ENTR1: variants seen among roughly 807,000 people sequenced by gnomAD.
The protein encoded by ENTR1 is endosome-associated-trafficking regulator 1.
ENTR1 carries 47 observed loss-of-function variants against 47.9 expected under a neutral mutation model. The observed-to-expected ratio is 0.98, with a 90% CI of 0.78 to 1.25. ENTR1 has a LOEUF of 1.25. Among genes scored for constraint, ENTR1 ranks in the 50% most tolerant of loss-of-function variants. The pLI, the probability that ENTR1 is intolerant of heterozygous loss-of-function variation, is 0.00. For missense variants in ENTR1, 668 were observed against 570.5 expected, an observed-to-expected ratio of 1.17 and a Z score of -1.74; for synonymous variants, 290 against 245.8, an observed-to-expected ratio of 1.18 and a Z score of -1.68.
intron 2 of ENTR1, 67 bp from the exon 3 acceptor site, chr9:136,409,134 TC>T (rs1834938633): frequency 7.0e-7 from 1 of 1,433,768 alleles, no homozygotes; most frequent in East Asian, 2.3e-5. Context: ...TTGGTTTTTT[TC>T]TTTTGCACAT....
intron 9 of ENTR1, among the ~76,000 whole-genome samples, chr9:136,403,446 CA>C (rs1834606516): frequency 1.6e-5 from 1 of 60,930 alleles, no homozygotes; most frequent in Non-Finnish European, 3.5e-5. Flanking sequence ...TTCCTGGGAG[CA>C]AGGGGTGGGG....
At chr9:136,405,744 T>C (rs145461675) in intron 6 of ENTR1, among the ~76,000 whole-genome samples, 161 bp downstream of exon 6, 1 of 152,298 alleles carries the variant, frequency 6.6e-6, no homozygotes, top group Admixed American at 6.5e-5. Flanking sequence ...TGTCTCAAAA[T>C]AAACTTTTAG....
At chr9:136,403,229 C>CGGT (rs1412250337) in intron 9 of ENTR1, among the ~76,000 whole-genome samples, 1 of 55,778 alleles carries the variant, frequency 1.8e-5, no homozygotes, top group African/African-American at 7.3e-5. Flanking sequence ...AGGGTTCTGG[C>CGGT]GGGGAGAAAG....
At chr9:136,402,948 TG>T (rs1834558693) in intron 9 of ENTR1, 61 bp from the exon 10 acceptor site, 2 of 603,322 alleles carry the variant, frequency 3.3e-6, no homozygotes, top group Non-Finnish European at 4.4e-6. Flanking sequence ...AACAGGGTTC[TG>T]GGGGGAGAAA....
Position 136,407,488 on chromosome 9 carries a change from T to C in ENTR1, c.476A>G (p.Tyr159Cys), listed in dbSNP as rs752536398. The stretch of plus-strand genomic sequence containing the variant: ...CGGATCCTCGAAAAATGGCTGCTGA[T>C]ACTCCAGGCCATACCCGCCGGTTTG... ...PSQTGGYGLE[Y>C]QQPFFEDPTG... The change falls in exon 5 of 10, where the codon TAT (tyrosine) becomes TGT (cysteine). Residue 159 changes from tyrosine (Y) to cysteine (C), a missense_variant. Transcript: ENST00000357365. 15 of 1,607,884 alleles carry C rather than the reference T, an allele frequency of 9.3e-6. No homozygotes were observed. In the South Asian group the frequency reaches 1.5e-4, roughly 17 times the overall value.
chr9:136,406,102 T>C (rs1588787815), intron 5 of ENTR1, 124 bp from the exon 6 acceptor site: 2 of 549,096 alleles, frequency 3.6e-6, no homozygotes, highest in Non-Finnish European at 6.3e-6. Flanking sequence ...AGCATCCACC[T>C]GCAGCCACTA....
At chr9:136,409,495 T>TA (rs560465636) in intron 2 of ENTR1, among the ~76,000 whole-genome samples, 2 of 151,844 alleles carry the variant, frequency 1.3e-5, no homozygotes, top group African/African-American at 4.8e-5. Context: ...GAGAAAACTT[T>TA]AAAAAAAACA....
chr9:136,409,946 T>G lies in ENTR1; in HGVS notation c.220+144A>C, dbSNP rs751117565. 6.0e-6 allele frequency: 6 copies of G among 999,832 alleles called. No individual in the cohort carries two copies. In the Admixed American group the frequency reaches 9.9e-5, roughly 16 times the overall value. 61.9% of individuals were successfully genotyped at this position (999,832 alleles called of 1,614,324 possible). A position where few individuals can be genotyped will look rare whatever the true frequency, so the allele number is the denominator to read the frequency against. On this transcript the variant is annotated intron_variant, in intron 2 of 9. Transcript: ENST00000357365. ...AGACTGTGAGCTCCTAGCAGGGGAC[T>G]CCGCCTTTGAATTCCGAGTGCCTGG... is the stretch of plus-strand genomic sequence containing the variant.
intron 5 of ENTR1, among the ~76,000 whole-genome samples, chr9:136,406,519 T>C (rs549019888): frequency 4.0e-4 from 61 of 151,850 alleles, no homozygotes; most frequent in African/African-American, 1.4e-3. Context: ...GCCCGTCGCC[T>C]AGGCTGGAGT....
chr9:136,408,388 C>T (rs1194278556), intron 3 of ENTR1, among the ~76,000 whole-genome samples: 3 of 152,040 alleles, frequency 2.0e-5, no homozygotes, highest in Admixed American at 1.3e-4. Flanking sequence ...ACCATCCTGG[C>T]TAACACGGTG....
intron 5 of ENTR1, 130 bp from the exon 6 acceptor site, chr9:136,406,108 C>T (rs1834752499): frequency 1.8e-6 from 1 of 540,650 alleles, no homozygotes; most frequent in Non-Finnish European, 3.2e-6. Context: ...CACCTGCAGC[C>T]ACTACAGAGG....
At chr9:136,408,050 C>A in intron 3 of ENTR1, 112 bp from the exon 4 acceptor site, 3 of 683,958 alleles carry the variant, frequency 4.4e-6, no homozygotes, top group South Asian at 1.7e-5. Flanking sequence ...CGGGCAGCCA[C>A]GCTTGTCATT....
chr9:136,407,765 G>A, intron 4 of ENTR1, 61 bp downstream of exon 4: 1 of 1,426,768 alleles, frequency 7.0e-7, no homozygotes, highest in Non-Finnish European at 9.9e-7. Context: ...TCCAAAGGAG[G>A]CTGCAGAGGC....
chr9:136,405,967 T>C lies in ENTR1; in HGVS notation c.831A>G (p.Glu277=). 1.2e-6 allele frequency: 2 copies of C among 1,609,050 alleles called. No homozygotes were observed. Among genetic ancestry groups the C allele is most frequent in the Non-Finnish European group, 8.5e-7 (1 of 1,177,980 alleles). The change falls in exon 6 of 10, where the codon GAA becomes GAG. Residue 277 remains glutamate (E), a synonymous_variant. Transcript: ENST00000357365. ...LQISYDALKD[E]NSKLRRKLNE... is the part of the protein sequence containing the mutation. ...TCAGCTTTCTTCTCAGCTTAGAATT[T>C]TCATCTTTCAGCTGTGGAGAGAGAA...
rs773050192 is a variant in ENTR1, at chr9:136,407,580, A to C, written c.403-19T>G. On this transcript the variant is annotated intron_variant, in intron 4 of 9. Coordinates refer to ENST00000357365, the MANE Select transcript of ENTR1 (RefSeq NM_001039707.2). The stretch of plus-strand genomic sequence containing the variant: ...AGGCTTCCTAAAAAAAAAAAAAAAA[A>C]AAAAACAATGGAGGCCATGCTTCTG... 1.2e-5 allele frequency: 18 copies of C among 1,541,008 alleles called. No individual in the cohort carries two copies. The highest frequency in any genetic ancestry group is 2.8e-5 in the African/African-American group (2 of 71,892).
chr9:136,405,858 G>A (rs779481254), intron 6 of ENTR1, 47 bp downstream of exon 6: 6 of 1,163,968 alleles, frequency 5.2e-6, no homozygotes, highest in African/African-American at 4.7e-5. Context: ...GGATTTCCCT[G>A]TGTATTAGAT....
chr9:136,405,045 G>A (rs777603839), intron 7 of ENTR1, 46 bp downstream of exon 7: 21 of 1,469,892 alleles, frequency 1.4e-5, no homozygotes, highest in South Asian at 5.7e-5. Flanking sequence ...TCTCAGGAGC[G>A]CTCCTGCCCC....
chr9:136,408,797 C>T (rs1834911900), intron 3 of ENTR1, among the ~76,000 whole-genome samples: 1 of 152,176 alleles, frequency 6.6e-6, no homozygotes, highest in South Asian at 2.1e-4. Flanking sequence ...TGGCCCCAGC[C>T]CCCCAGGTGG....
At chr9:136,405,875 G>C in intron 6 of ENTR1, 30 bp downstream of exon 6, 1 of 1,396,436 alleles carries the variant, frequency 7.2e-7, no homozygotes, top group Non-Finnish European at 1.0e-6. Context: ...AGATGTTGTG[G>C]ATTGCATTCC....
Sources: gnomAD v4.1 joint callset for allele counts (sites outside exome capture counted in the v4.1 genomes callset) on GRCh38, gnomAD v4.1.1 for gene constraint, MANE v1.5 for transcripts, NCBI Gene and HGNC (gene_info 2026-07-23, HGNC 2026-07-21) for gene names.